The following NTRK3 variants were observed in gnomAD, a reference collection of about 807,000 sequenced individuals.
NTRK3 encodes NT-3 growth factor receptor.
Under a neutral mutation model 91.7 loss-of-function variants are expected in NTRK3, and 24 were observed. The observed-to-expected ratio is 0.26, with a 90% CI of 0.19 to 0.37. The LOEUF is 0.37. Among genes scored for constraint, NTRK3 ranks in the 10% least tolerant of loss-of-function variants. The pLI, the probability that NTRK3 is intolerant of heterozygous loss-of-function variation, is 1.00. For missense variants in NTRK3, 880 were observed against 1,068.9 expected, an observed-to-expected ratio of 0.82 and a Z score of 2.46; for synonymous variants, 483 against 404.0, an observed-to-expected ratio of 1.20 and a Z score of -2.34.
chr15:88,041,780 C>G (rs424744), intron 13 of NTRK3, among the ~76,000 whole-genome samples: 1 of 142,030 alleles, frequency 7.0e-6, no homozygotes, highest in African/African-American at 2.6e-5. Context: ...AGACACTTCG[C>G]GTGCATCACA....
rs566689255 is a variant in NTRK3 at position 88,219,728 on chromosome 15, T to C, written c.249-35429A>G. On this transcript the variant is annotated intron_variant, in intron 3 of 18. Transcript: ENST00000394480. ...GGGTGGTGGAGGTCAAAATCAAGAC[T>C]GGAAGAATCTTGATGGTGATGCCTA... 4.6e-5 allele frequency among the ~76,000 whole-genome samples: 7 copies of C among 152,342 alleles called. No individual in the cohort carries two copies. In the South Asian group the frequency reaches 1.5e-3, roughly 32 times the overall value.
chr15:87,972,198 T>C (rs763624869), intron 14 of NTRK3, among the ~76,000 whole-genome samples: 6 of 152,150 alleles, frequency 3.9e-5, no homozygotes, highest in Non-Finnish European at 8.8e-5. Flanking sequence ...AGAGCTAGGC[T>C]TCATTGAGCT....
intron 14 of NTRK3, among the ~76,000 whole-genome samples, chr15:87,986,720 A>C (rs1394808337): frequency 3.3e-5 from 5 of 152,246 alleles, no homozygotes; most frequent in Non-Finnish European, 7.3e-5. Context: ...ATTCCAAAAA[A>C]AGTTGCGATC....
At chr15:88,188,093 G>A (rs2047090639) in intron 3 of NTRK3, among the ~76,000 whole-genome samples, 1 of 152,192 alleles carries the variant, frequency 6.6e-6, no homozygotes, top group Non-Finnish European at 1.5e-5. Context: ...CCGCTGTGGA[G>A]GAAAAGAATT....
chr15:88,010,222 C>T (rs2076777134), intron 14 of NTRK3, among the ~76,000 whole-genome samples: 1 of 152,208 alleles, frequency 6.6e-6, no homozygotes, highest in Admixed American at 6.5e-5. Flanking sequence ...CTCCTTCAGC[C>T]TCCAACATCA....
At chr15:87,931,800 C>T (rs1319043123) in intron 16 of NTRK3, among the ~76,000 whole-genome samples, 3 of 152,326 alleles carry the variant, frequency 2.0e-5, no homozygotes, top group African/African-American at 7.2e-5. Context: ...CCCCTCAAAA[C>T]CACGACACCC....
chr15:88,179,600 G>A (rs942160378), intron 5 of NTRK3, among the ~76,000 whole-genome samples: 5 of 152,184 alleles, frequency 3.3e-5, no homozygotes, highest in Non-Finnish European at 7.3e-5. Context: ...AGACTGTGGC[G>A]ATCCAGTCTG....
chr15:88,173,872 T>C (rs535923375), intron 5 of NTRK3, among the ~76,000 whole-genome samples: 6 of 152,378 alleles, frequency 3.9e-5, no homozygotes, highest in Admixed American at 2.6e-4. Context: ...TTAGCAGTTA[T>C]GAAACCTTAG....
exon 19 of NTRK3, chr15:87,870,024 C>A (rs952706800): frequency 5.2e-6 from 1 of 192,136 alleles, no homozygotes; most frequent in Non-Finnish European, 1.1e-5. Context: ...AATCCCGCAG[C>A]CCTATTACTG....
intron 17 of NTRK3, among the ~76,000 whole-genome samples, chr15:87,886,198 T>C (rs111538986): frequency 1.2e-4 from 18 of 152,194 alleles, no homozygotes; most frequent in African/African-American, 4.1e-4. Flanking sequence ...GAAAGAGTTA[T>C]TCTCAAATGC....
intron 17 of NTRK3, among the ~76,000 whole-genome samples, chr15:87,901,963 T>C (rs1398936334): frequency 1.3e-5 from 2 of 152,188 alleles, no homozygotes; most frequent in Non-Finnish European, 2.9e-5. Context: ...TTAGTAAAAA[T>C]GTTTTAAGGC....
intron 3 of NTRK3, among the ~76,000 whole-genome samples, chr15:88,211,846 T>G (rs2049274427): frequency 6.6e-6 from 1 of 152,270 alleles, no homozygotes; most frequent in African/African-American, 2.4e-5. Flanking sequence ...AGAGGACATG[T>G]TCTTATATTT....
intron 13 of NTRK3, among the ~76,000 whole-genome samples, chr15:88,105,598 G>A (rs371413598): frequency 9.2e-5 from 14 of 152,186 alleles, no homozygotes; most frequent in African/African-American, 3.4e-4. Flanking sequence ...TACCAGCAGG[G>A]CTATATCTTT....
At chr15:88,179,461 T>A (rs903922952) in intron 5 of NTRK3, among the ~76,000 whole-genome samples, 10 of 152,192 alleles carry the variant, frequency 6.6e-5, no homozygotes, top group Non-Finnish European at 7.3e-5. Flanking sequence ...AGGATGGTTA[T>A]GAGAATTCAA....
intron 9 of NTRK3, 30 bp downstream of exon 9, chr15:88,135,869 C>G: frequency 6.2e-7 from 1 of 1,613,224 alleles, no homozygotes; most frequent in South Asian, 1.1e-5. Context: ...CCCTCACACA[C>G]AGCCATCCCC....
chr15:87,982,090 C>T (rs1036708246), intron 14 of NTRK3, among the ~76,000 whole-genome samples: 8 of 152,206 alleles, frequency 5.3e-5, no homozygotes, highest in African/African-American at 1.2e-4. Flanking sequence ...GGGCCAAGCC[C>T]GCCTAAGTCT....
In NTRK3 at chr15:88,179,770, C is replaced by A. The variant is rs148434417; in HGVS notation, c.395+3648G>T. Among the ~76,000 whole-genome samples, 364 of 152,310 alleles carry A rather than the reference C, an allele frequency of 2.4e-3. 1 individual carries two copies. The highest frequency in any genetic ancestry group is 8.3e-3 in the African/African-American group (346 of 41,558). ...AAGAAAGTTGTCAGCTCATCAGTTT[C>A]AGTTCCTTAACTCCTTTCTGAAACT... On this transcript the variant is annotated intron_variant, in intron 5 of 18. Coordinates refer to ENST00000394480, the Ensembl canonical transcript of NTRK3.
intron 13 of NTRK3, among the ~76,000 whole-genome samples, chr15:88,043,685 A>T (rs934903319): frequency 6.6e-6 from 1 of 152,362 alleles, no homozygotes; most frequent in South Asian, 2.1e-4. Context: ...CAAGAGGGAA[A>T]TCTAATATCT....
At chr15:88,050,397 A>C (rs888531986) in intron 13 of NTRK3, among the ~76,000 whole-genome samples, 1 of 152,158 alleles carries the variant, frequency 6.6e-6, no homozygotes, top group Non-Finnish European at 1.5e-5. Context: ...GGCTCACAGC[A>C]TATTTATATA....
Sources: gnomAD v4.1 joint callset for allele counts (sites outside exome capture counted in the v4.1 genomes callset) on GRCh38, gnomAD v4.1.1 for gene constraint, MANE v1.5 for transcripts, NCBI Gene and HGNC (gene_info 2026-07-23, HGNC 2026-07-21) for gene names.